SPMAP2: variants seen among roughly 807,000 people sequenced by gnomAD.
SPMAP2 encodes the protein sperm microtubule associated protein 2, also known as Theg homolog.
At chr19:372,091 A>G in the SPMAP2 span, among the ~76,000 whole-genome samples, 3 of 152,228 alleles carry the variant, frequency 2.0e-5, no homozygotes, top group Admixed American at 6.5e-5. Flanking sequence ...CGACACCCAC[A>G]TCAACGTCTG....
the SPMAP2 span, chr19:367,009 T>C: frequency 6.3e-7 from 1 of 1,579,056 alleles, no homozygotes; most frequent in Middle Eastern, 1.7e-4. Flanking sequence ...GTATAAGGTG[T>C]CCCTTGGGAT....
the SPMAP2 span, among the ~76,000 whole-genome samples, chr19:364,207 GCT>G: frequency 2.5e-4 from 38 of 150,630 alleles, no homozygotes; most frequent in East Asian, 3.9e-3. Context: ...CGTGGTGGCG[GCT>G]GCCTGTAGTC....
the SPMAP2 span, chr19:367,190 A>T: frequency 6.2e-7 from 1 of 1,607,342 alleles, no homozygotes; most frequent in Non-Finnish European, 8.5e-7. Flanking sequence ...CGAGCTGGGG[A>T]CTGCCATTTG....
chr19:367,141 G>A, the SPMAP2 span: 2 of 1,612,872 alleles, frequency 1.2e-6, no homozygotes, highest in Non-Finnish European at 1.7e-6. Context: ...CTTCCAAGAG[G>A]GTGGCTGGGG....
At chr19:371,443 T>A in the SPMAP2 span, 1 of 491,042 alleles carries the variant, frequency 2.0e-6, no homozygotes, top group Admixed American at 3.3e-5. Flanking sequence ...TCCATATGTG[T>A]CTGTCTGTCT....
the SPMAP2 span, chr19:372,531 G>C: frequency 6.6e-4 from 816 of 1,239,400 alleles, 6 homozygotes; most frequent in African/African-American, 0.01. Context: ...TCTAGGGCTA[G>C]GACCTGGACC....
At chr19:364,511 T>C in the SPMAP2 span, among the ~76,000 whole-genome samples, 2 of 147,582 alleles carry the variant, frequency 1.4e-5, no homozygotes, top group Non-Finnish European at 3.0e-5. Flanking sequence ...CGAGACCCCA[T>C]CTCTAAAAAA....
the SPMAP2 span, among the ~76,000 whole-genome samples, chr19:365,952 C>A: frequency 5.9e-5 from 9 of 152,140 alleles, no homozygotes; most frequent in Non-Finnish European, 1.2e-4. Context: ...ACCAGCCTGG[C>A]CAACATGGTG....
chr19:365,986 CA>C, the SPMAP2 span, among the ~76,000 whole-genome samples: 1 of 152,064 alleles, frequency 6.6e-6, no homozygotes, highest in Non-Finnish European at 1.5e-5. Flanking sequence ...ACTAAAAATA[CA>C]AAAATTAGCC....
the SPMAP2 span, chr19:367,158 G>A: frequency 2.5e-6 from 4 of 1,611,836 alleles, no homozygotes; most frequent in Non-Finnish European, 2.5e-6. Flanking sequence ...GGGGCCTTCG[G>A]CTTTGACAAC....
At chr19:375,270 T>C in the SPMAP2 span, among the ~76,000 whole-genome samples, 1 of 151,832 alleles carries the variant, frequency 6.6e-6, no homozygotes, top group Non-Finnish European at 1.5e-5. Flanking sequence ...GTGCTTAGAA[T>C]GGTTTCAACT....
chr19:371,338 A>G, the SPMAP2 span: 1 of 1,416,084 alleles, frequency 7.1e-7, no homozygotes, highest in Non-Finnish European at 9.4e-7. Flanking sequence ...GGAGGTCCCC[A>G]TTTTAGACCA....
At chr19:362,158 C>G in the SPMAP2 span, 8 of 1,370,896 alleles carry the variant, frequency 5.8e-6, no homozygotes, top group African/African-American at 1.2e-4. Flanking sequence ...ATCACATACA[C>G]AGGGTTAGGG....
At chr19:372,892 T>C in the SPMAP2 span, among the ~76,000 whole-genome samples, 1 of 152,176 alleles carries the variant, frequency 6.6e-6, no homozygotes, top group African/African-American at 2.4e-5. Flanking sequence ...TTAGGGACAA[T>C]GGGCTCAGAG....
At chr19:374,709 CG>C in the SPMAP2 span, 17 of 456,270 alleles carry the variant, frequency 3.7e-5, no homozygotes, top group Non-Finnish European at 6.4e-5. Context: ...TCCCACCTGG[CG>C]GGGCTGTTTT....
chr19:364,292 G>A, the SPMAP2 span, among the ~76,000 whole-genome samples: 383 of 142,012 alleles, frequency 2.7e-3, 4 homozygotes, highest in Non-Finnish European at 2.8e-3. Context: ...AGCTGAGATC[G>A]CGCCACTGCG....
chr19:373,492 G>A, the SPMAP2 span: 1 of 1,613,452 alleles, frequency 6.2e-7, no homozygotes, highest in South Asian at 1.1e-5. Flanking sequence ...TGGTGAGGGT[G>A]GTGTCCTCAA....
chr19:364,196 G>A, the SPMAP2 span, among the ~76,000 whole-genome samples: 10 of 150,724 alleles, frequency 6.6e-5, no homozygotes, highest in Non-Finnish European at 1.2e-4. Flanking sequence ...AATTAGCCGG[G>A]CGTGGTGGCG....
the SPMAP2 span, among the ~76,000 whole-genome samples, chr19:364,353 A>AAAAG: frequency 4.0e-5 from 6 of 149,210 alleles, no homozygotes; most frequent in African/African-American, 1.2e-4. Flanking sequence ...AAAAAAAAAA[A>AAAAG]AAAGAAAGAA....
Sources: allele counts gnomAD v4.1 joint callset (sites outside exome capture counted in the v4.1 genomes callset), GRCh38; gene constraint gnomAD v4.1.1; transcripts MANE v1.5; gene names NCBI Gene and HGNC (gene_info 2026-07-23, HGNC 2026-07-21).